The following NAA35 variants were observed in gnomAD, a reference collection of about 807,000 sequenced individuals.
The protein encoded by NAA35 is MAK10 homolog, amino-acid N-acetyltransferase subunit.
NAA35 carries 18 observed loss-of-function variants against 101.7 expected under a neutral mutation model. The ratio of observed to expected loss-of-function variants is 0.18; its 90% confidence interval spans 0.12 to 0.26. The LOEUF (loss-of-function observed/expected upper bound fraction) is 0.26. NAA35 is among the 10% of genes least tolerant of loss of function. The probability of loss-of-function intolerance (pLI) is 1.00; values close to 1 mark genes in which losing one functional copy is unlikely to be tolerated. For missense variants in NAA35, 601 were observed against 886.8 expected, an observed-to-expected ratio of 0.68 and a Z score of 4.09; for synonymous variants, 267 against 273.1, an observed-to-expected ratio of 0.98 and a Z score of 0.22.
chr9:85,942,410 C>G, intron 2 of NAA35, 127 bp downstream of exon 2: 1 of 1,262,116 alleles, frequency 7.9e-7, no homozygotes, highest in East Asian at 2.3e-5. Flanking sequence ...GTTAGCCACA[C>G]TTATTCTGTA....
intron 11 of NAA35, among the ~76,000 whole-genome samples, chr9:85,980,952 C>A (rs921365284): frequency 1.3e-5 from 2 of 152,126 alleles, no homozygotes; most frequent in African/African-American, 4.8e-5. Flanking sequence ...CTGATCGACA[C>A]CTCATTCCTT....
intron 11 of NAA35, among the ~76,000 whole-genome samples, chr9:85,988,753 G>A (rs1194159164): frequency 1.3e-5 from 2 of 151,178 alleles, no homozygotes; most frequent in Non-Finnish European, 2.9e-5. Flanking sequence ...CCGAGATCAC[G>A]CCATTGCACT....
chr9:85,990,281 G>A (rs1267939738), intron 11 of NAA35, among the ~76,000 whole-genome samples: 1 of 152,182 alleles, frequency 6.6e-6, no homozygotes, highest in Non-Finnish European at 1.5e-5. Flanking sequence ...ATCTGTTTAG[G>A]AGACATCTGC....
chr9:86,003,943 A>T (rs984393641), intron 13 of NAA35, among the ~76,000 whole-genome samples: 4 of 152,204 alleles, frequency 2.6e-5, no homozygotes, highest in Admixed American at 2.0e-4. Context: ...AAATCTCCAA[A>T]TATTTTGAAA....
intron 11 of NAA35, among the ~76,000 whole-genome samples, chr9:85,979,037 G>A (rs1039368059): frequency 6.6e-6 from 1 of 151,886 alleles, no homozygotes; most frequent in Admixed American, 6.6e-5. Flanking sequence ...CCTCTTTTTT[G>A]TCTGAGAGAT....
At chr9:85,987,453 G>A (rs1830699733) in intron 11 of NAA35, among the ~76,000 whole-genome samples, 1 of 152,202 alleles carries the variant, frequency 6.6e-6, no homozygotes, top group African/African-American at 2.4e-5. Context: ...CAGAGGTAGA[G>A]CTGACTTCAT....
intron 16 of NAA35, among the ~76,000 whole-genome samples, chr9:86,013,356 T>C (rs1371499905): frequency 6.6e-6 from 1 of 152,160 alleles, no homozygotes; most frequent in Non-Finnish European, 1.5e-5. Context: ...TCTTTGATAA[T>C]AGGAATAAAT....
At chr9:85,967,323 A>T (rs1829790358) in intron 6 of NAA35, among the ~76,000 whole-genome samples, 1 of 152,186 alleles carries the variant, frequency 6.6e-6, no homozygotes, top group African/African-American at 2.4e-5. Flanking sequence ...AAAGGTTAAA[A>T]AAAGCAGCAT....
chr9:86,015,636 A>T (rs1156644399), intron 17 of NAA35: 1 of 741,064 alleles, frequency 1.3e-6, no homozygotes, highest in Non-Finnish European at 1.6e-6. Flanking sequence ...ACAGTTTGAG[A>T]ACCATTGGTA....
At chr9:85,947,840 A>G (rs761007291) in intron 2 of NAA35, among the ~76,000 whole-genome samples, 3 of 152,202 alleles carry the variant, frequency 2.0e-5, no homozygotes, top group Non-Finnish European at 2.9e-5. Context: ...TCAGGAAAGG[A>G]ACACATGGAT....
At chr9:85,942,357 C>G (rs1828561307) in intron 2 of NAA35, 74 bp downstream of exon 2, 1 of 1,551,112 alleles carries the variant, frequency 6.4e-7, no homozygotes, top group African/African-American at 1.4e-5. Context: ...CTAAACTTAC[C>G]TCATTAGATG....
intron 17 of NAA35, chr9:86,015,681 A>G (rs918550756): frequency 3.6e-5 from 32 of 885,936 alleles, no homozygotes; most frequent in Non-Finnish European, 4.3e-5. Flanking sequence ...ATAAATGTAT[A>G]TTAATTTTGA....
In NAA35 at chr9:86,018,721, A is replaced by G. The variant is rs142358554; in HGVS notation, c.1937A>G (p.Tyr646Cys). Residue 646 changes from tyrosine (Y) to cysteine (C), a missense_variant, in exon 21 of 23, where the codon TAT (tyrosine) becomes TGT (cysteine). This residue lies in a region of NAA35 where 90 missense variants were observed against 108.7 expected (regional missense o/e 0.83). Coordinates refer to ENST00000361671, the MANE Select transcript of NAA35 (RefSeq NM_024635.4). ...QFKEMSDLNK[Y>C]SPPPQSPELY... ...TAGGAAATGTCTGACCTCAATAAAT[A>G]TAGCCCTCCTCCTCAGTCTCCTGAA... The G allele has an allele frequency of 5.0e-6, 8 of 1,613,854 alleles. No homozygotes were observed. Among genetic ancestry groups the G allele is most frequent in the Non-Finnish European group, 5.9e-6 (7 of 1,179,966 alleles).
chr9:86,006,648 G>GC (rs1267308190), intron 13 of NAA35, among the ~76,000 whole-genome samples: 6 of 152,160 alleles, frequency 3.9e-5, no homozygotes, highest in Admixed American at 3.9e-4. Flanking sequence ...GGCGGGAGGA[G>GC]CGTTTGACCA....
At chr9:85,944,407 A>C (rs1393640613) in intron 2 of NAA35, among the ~76,000 whole-genome samples, 1 of 152,256 alleles carries the variant, frequency 6.6e-6, no homozygotes, top group African/African-American at 2.4e-5. Context: ...TAGGATGAAA[A>C]GAGTCTACTT....
chr9:85,976,409 T>C (rs929838201), intron 8 of NAA35, among the ~76,000 whole-genome samples: 1 of 152,174 alleles, frequency 6.6e-6, no homozygotes, highest in Non-Finnish European at 1.5e-5. Flanking sequence ...ATATACTATG[T>C]GCCATATACT....
In NAA35 at chr9:85,966,033, A is replaced by G. The variant is rs147698642; in HGVS notation, c.516+3853A>G. On this transcript the variant is annotated intron_variant, in intron 6 of 22. Coordinates refer to ENST00000361671, the MANE Select transcript of NAA35 (RefSeq NM_024635.4). ...AGCTCACTGGTAGCCTTGAACTCCT[A>G]TGCTCCAGCGATACTTTGTCTCAAG... Among the ~76,000 whole-genome samples the G allele has an allele frequency of 4.0e-3, 611 of 152,284 alleles. 6 individuals are homozygous for G. Among genetic ancestry groups the G allele is most frequent in the African/African-American group, 0.014 (592 of 41,556 alleles).
chr9:85,956,352 T>C lies in NAA35; in HGVS notation c.125-8T>C. The C allele has an allele frequency of 7.3e-7, 1 of 1,376,536 alleles. No individual in the cohort carries two copies. Among genetic ancestry groups the C allele is most frequent in the Non-Finnish European group, 9.9e-7 (1 of 1,010,136 alleles). 85.3% of individuals were successfully genotyped at this position (1,376,536 alleles called of 1,614,324 possible). A position where few individuals can be genotyped will look rare whatever the true frequency, so the allele number is the denominator to read the frequency against. The stretch of plus-strand genomic sequence containing the variant: ...ATGTTCAAAGGGTTTTTCTCTTTTT[T>C]TTTTTAGAATTAAAGTTGGGAGAAC... On this transcript the variant is annotated splice_polypyrimidine_tract_variant and splice_region_variant and intron_variant, in intron 2 of 22. Coordinates refer to ENST00000361671, the MANE Select transcript of NAA35 (RefSeq NM_024635.4).
At chr9:85,986,697 A>G in intron 11 of NAA35, 3 of 306,972 alleles carry the variant, frequency 9.8e-6, no homozygotes, top group Non-Finnish European at 1.9e-5. Context: ...TGATTCTCTT[A>G]CCTCACCCTC....
Sources: gnomAD v4.1 joint callset for allele counts (sites outside exome capture counted in the v4.1 genomes callset) on GRCh38, gnomAD v4.1.1 for gene constraint, gnomAD v4.1.1 regional missense constraint, MANE v1.5 for transcripts, NCBI Gene and HGNC (gene_info 2026-07-23, HGNC 2026-07-21) for gene names.